Variants in GLRA3 observed in about 807,000 individuals in gnomAD.
The protein encoded by GLRA3 is glycine receptor subunit alpha-3.
A neutral mutation model predicts 60.4 loss-of-function variants in GLRA3; 44 were observed. The observed-to-expected ratio is 0.73, with a 90% confidence interval of 0.57 to 0.94. The LOEUF (loss-of-function observed/expected upper bound fraction) is 0.94, where lower values mean the gene tolerates loss of function less well. GLRA3 is among the 40% of genes least tolerant of loss of function. The pLI, the probability that GLRA3 is intolerant of heterozygous loss-of-function variation, is 0.00. For synonymous variants in GLRA3, 223 were observed against 192.9 expected (o/e 1.16, Z -1.29); for missense variants, 508 against 564.6 (o/e 0.90, Z 1.02).
chr4:174,749,144 G>A (rs974251860), intron 3 of GLRA3, among the ~76,000 whole-genome samples: 7 of 151,984 alleles, frequency 4.6e-5, no homozygotes, highest in African/African-American at 7.3e-5. Flanking sequence ...TTCTCGATTC[G>A]TAGATTTCAG....
In GLRA3 at chr4:174,828,908, T is replaced by C. The variant is rs915035874; in HGVS notation, c.-97A>G. ...AAATGTACAATCTAACCCCGCATGG[T>C]GTTGGTGTAGACTGATGCTTGGGAA... is the stretch of plus-strand genomic sequence containing the variant. On this transcript the variant is annotated 5_prime_UTR_variant, in exon 1 of 10. Coordinates refer to ENST00000274093, the MANE Select transcript of GLRA3 (RefSeq NM_006529.4). 3 of 866,538 alleles carry C rather than the reference T, an allele frequency of 3.5e-6. No individual in the cohort carries two copies. In the African/African-American group the frequency reaches 4.9e-5, roughly 14 times the overall value. 53.7% of individuals were successfully genotyped at this position (866,538 alleles called of 1,614,324 possible).
At chr4:174,694,323 A>T (rs1219393157) in intron 5 of GLRA3, among the ~76,000 whole-genome samples, 3 of 152,150 alleles carry the variant, frequency 2.0e-5, no homozygotes, top group Non-Finnish European at 4.4e-5. Flanking sequence ...CCTAAAATTG[A>T]CCATGTAAGT....
intron 1 of GLRA3, among the ~76,000 whole-genome samples, chr4:174,805,450 A>G (rs1390110387): frequency 5.3e-5 from 8 of 152,234 alleles, no homozygotes; most frequent in Admixed American, 4.6e-4. Context: ...TCAAGAAGCT[A>G]CAAGGGAGAA....
intron 2 of GLRA3, among the ~76,000 whole-genome samples, chr4:174,774,771 A>G (rs1050558964): frequency 6.6e-6 from 1 of 152,226 alleles, no homozygotes; most frequent in Non-Finnish European, 1.5e-5. Flanking sequence ...TTTATAATAA[A>G]TTATCAGAGA....
At chr4:174,654,282 G>A (rs1733119022) in intron 9 of GLRA3, among the ~76,000 whole-genome samples, 1 of 151,992 alleles carries the variant, frequency 6.6e-6, no homozygotes, top group Admixed American at 6.6e-5. Flanking sequence ...AATGCACAGG[G>A]CAGAAAATCA....
intron 8 of GLRA3, 142 bp from the exon 9 acceptor site, chr4:174,656,929 T>C (rs1211234128): frequency 3.8e-6 from 2 of 532,432 alleles, no homozygotes; most frequent in East Asian, 5.8e-5. Context: ...TTTTCACATA[T>C]GCAAAGTATC....
intron 3 of GLRA3, among the ~76,000 whole-genome samples, chr4:174,742,525 G>T (rs899242244): frequency 2.0e-5 from 3 of 152,062 alleles, no homozygotes; most frequent in African/African-American, 7.2e-5. Flanking sequence ...GCTTTTACAG[G>T]GCAAGACACT....
chr4:174,667,943 G>A (rs12643679), intron 7 of GLRA3, among the ~76,000 whole-genome samples: 25,027 of 152,052 alleles, frequency 0.16, 2,438 homozygotes, highest in East Asian at 0.38. Context: ...ACCTGGTGTT[G>A]GAGGTGGGGC....
chr4:174,652,171 G>C lies in GLRA3; in HGVS notation c.1116+4572C>G, dbSNP rs548789933. Among the ~76,000 whole-genome samples the C allele has an allele frequency of 5.3e-5, 8 of 152,068 alleles. No individual in the cohort carries two copies. In the East Asian group the frequency reaches 1.5e-3, roughly 29 times the overall value. ...GCATTACCCAGTCATAAATTATCCT[G>C]TGTTTATGTATGCTTACGTGTGCAG... On this transcript the variant is annotated intron_variant, in intron 9 of 9. Coordinates refer to ENST00000274093, the MANE Select transcript of GLRA3 (RefSeq NM_006529.4).
chr4:174,731,500 A>G (rs1736546426), intron 3 of GLRA3, among the ~76,000 whole-genome samples: 1 of 152,212 alleles, frequency 6.6e-6, no homozygotes, highest in Non-Finnish European at 1.5e-5. Context: ...TCTCTACATG[A>G]CGCTACTCAA....
chr4:174,815,749 G>A (rs1490553642), intron 1 of GLRA3, among the ~76,000 whole-genome samples: 1 of 152,118 alleles, frequency 6.6e-6, no homozygotes, highest in African/African-American at 2.4e-5. Flanking sequence ...CACAGAAAAG[G>A]GATCCTGGGC....
At chr4:174,753,735 C>T (rs1737573834) in intron 3 of GLRA3, among the ~76,000 whole-genome samples, 1 of 152,106 alleles carries the variant, frequency 6.6e-6, no homozygotes, top group Admixed American at 6.6e-5. Context: ...TTTTCCATTG[C>T]AAATTAAGAG....
At chr4:174,722,687 T>C (rs370410214) in intron 4 of GLRA3, 1 of 163,674 alleles carries the variant, frequency 6.1e-6, no homozygotes, top group South Asian at 2.1e-4. Flanking sequence ...CAGATAAATA[T>C]GTAAGTTCAA....
chr4:174,774,135 G>A (rs1738499528), intron 2 of GLRA3, among the ~76,000 whole-genome samples: 1 of 73,490 alleles, frequency 1.4e-5, no homozygotes, highest in South Asian at 5.1e-4. Flanking sequence ...GAAGGTACTT[G>A]TGTAAAAGAA....
chr4:174,788,855 T>C lies in GLRA3; in HGVS notation c.160A>G (p.Thr54Ala), dbSNP rs1190209804. Reference protein sequence around the residue: ...SDFLDKLMGRTSGYDARIRPN... With the variant: ...SDFLDKLMGRASGYDARIRPN... The stretch of plus-strand genomic sequence containing the variant: ...CTGATTCTTGCATCATATCCTGATG[T>C]CCTGCCCATTAATTTATCCAGAAAA... The change falls in exon 2 of 10, where the codon ACA becomes GCA. Residue 54 changes from threonine to alanine, a missense_variant. Physicochemically the swap from Thr to Ala is moderately conservative, Grantham distance 58. This residue lies in a region of GLRA3 where 329 missense variants were observed against 349.3 expected (regional missense o/e 0.94). Transcript: ENST00000274093. 1.9e-6 allele frequency: 3 copies of C among 1,608,282 alleles called. No individual in the cohort carries two copies. The highest frequency in any genetic ancestry group is 1.1e-5 in the South Asian group (1 of 90,672).
At chr4:174,683,747 T>G (rs186831416) in intron 5 of GLRA3, among the ~76,000 whole-genome samples, 32 of 152,360 alleles carry the variant, frequency 2.1e-4, no homozygotes, top group Middle Eastern at 3.4e-3. Flanking sequence ...TTACTTCTGC[T>G]GTGTTTTGAA....
At chr4:174,729,756 A>G (rs1419691644) in intron 3 of GLRA3, among the ~76,000 whole-genome samples, 1 of 152,248 alleles carries the variant, frequency 6.6e-6, no homozygotes, top group African/African-American at 2.4e-5. Context: ...AGCAAACATT[A>G]TAAGACCACT....
intron 9 of GLRA3, among the ~76,000 whole-genome samples, chr4:174,653,742 C>G (rs1270146778): frequency 6.6e-6 from 1 of 151,910 alleles, no homozygotes; most frequent in Non-Finnish European, 1.5e-5. Context: ...TAGGGTATTA[C>G]AATAGACATC....
intron 2 of GLRA3, among the ~76,000 whole-genome samples, chr4:174,779,187 C>T (rs1441506057): frequency 5.3e-5 from 8 of 152,262 alleles, no homozygotes; most frequent in East Asian, 1.9e-4. Flanking sequence ...CTGGGAGGCA[C>T]CCCCCAGCAG....
Sources: gnomAD v4.1 joint callset for allele counts (sites outside exome capture counted in the v4.1 genomes callset) on GRCh38, gnomAD v4.1.1 for gene constraint, gnomAD v4.1.1 regional missense constraint, MANE v1.5 for transcripts, NCBI Gene and HGNC (gene_info 2026-07-23, HGNC 2026-07-21) for gene names.